Variants in RNF121 observed in about 807,000 individuals in gnomAD.
RNF121 encodes the protein ring finger protein 121.
In RNF121, 21 loss-of-function variants were observed where a neutral mutation model predicts 46.5. The ratio of observed to expected loss-of-function variants is 0.45; its 90% CI spans 0.32 to 0.65. RNF121 has a LOEUF of 0.65. RNF121 is among the 30% of genes least tolerant of loss of function. The pLI is 0.04. For missense variants in RNF121, 346 were observed against 416.0 expected (o/e 0.83, Z 1.46); for synonymous variants, 139 against 144.7 (o/e 0.96, Z 0.28).
At position 71,996,777 on chromosome 11, in the gene RNF121, T is replaced by C; in HGVS notation, c.*462T>C. The C allele has an allele frequency of 6.1e-6, 1 of 164,576 alleles. No homozygotes were observed. Among genetic ancestry groups the C allele is most frequent in the Non-Finnish European group, 1.4e-5 (1 of 73,988 alleles). The allele number at this position is 164,576 out of a possible 1,614,324, so 10.2% of individuals were successfully genotyped here. ...ACTTAGTATAGAAGAGCTAACGTAC[T>C]CAGGCTTGTGCCACGGGTGAGCACT... is the stretch of plus-strand genomic sequence containing the variant. On this transcript the variant is annotated 3_prime_UTR_variant, in exon 9 of 9. Coordinates refer to ENST00000361756, the MANE Select transcript of RNF121 (RefSeq NM_018320.5).
At chr11:71,938,263 C>A (rs1319582035) in intron 1 of RNF121, among the ~76,000 whole-genome samples, 2 of 149,968 alleles carry the variant, frequency 1.3e-5, no homozygotes, top group Non-Finnish European at 3.0e-5. Context: ...TTTTTTAGTG[C>A]GTACTATGTG....
intron 7 of RNF121, 107 bp from the exon 8 acceptor site, chr11:71,995,343 T>C: frequency 1.2e-6 from 1 of 850,872 alleles, no homozygotes; most frequent in Non-Finnish European, 1.9e-6. Context: ...TTGCCCAACA[T>C]TACAGAGCTG....
At chr11:71,957,100 T>G in intron 1 of RNF121, 127 bp from the exon 2 acceptor site, 2 of 768,418 alleles carry the variant, frequency 2.6e-6, no homozygotes, top group South Asian at 2.8e-5. Flanking sequence ...TGGTAAGGCT[T>G]CATAGAGATA....
chr11:71,953,886 A>G (rs929477584), intron 1 of RNF121, among the ~76,000 whole-genome samples: 2 of 152,172 alleles, frequency 1.3e-5, no homozygotes, highest in Admixed American at 1.3e-4. Flanking sequence ...AAAATGTAGC[A>G]GTCAACTTCT....
chr11:71,994,142 CTCT>C (rs1320702921), intron 6 of RNF121, among the ~76,000 whole-genome samples: 2 of 152,072 alleles, frequency 1.3e-5, no homozygotes, highest in African/African-American at 2.4e-5. Context: ...GCCCAGCCTC[CTCT>C]TATTTCTTTA....
At chr11:71,950,498 C>T (rs565635889) in intron 1 of RNF121, among the ~76,000 whole-genome samples, 2 of 150,742 alleles carry the variant, frequency 1.3e-5, no homozygotes, top group East Asian at 2.0e-4. Context: ...GCAGGAGAAT[C>T]GCTTGAACCC....
At position 71,994,651 on chromosome 11, in the gene RNF121, G is replaced by A. The variant is rs1482752816; in HGVS notation, c.628-68G>A. On this transcript the variant is annotated intron_variant, in intron 6 of 8. Coordinates refer to ENST00000361756, the MANE Select transcript of RNF121 (RefSeq NM_018320.5). ...CTTCTCTAGAAGGCCTGAGGTCTCTGTGGAGCTTCCTACTTTGGCTGCTTC... is the reference window on the plus strand; with the variant it reads ...CTTCTCTAGAAGGCCTGAGGTCTCTATGGAGCTTCCTACTTTGGCTGCTTC... 56 of 1,600,400 alleles carry A rather than the reference G, an allele frequency of 3.5e-5. No homozygotes were observed. In the South Asian group the frequency reaches 3.9e-4, roughly 11 times the overall value.
intron 1 of RNF121, among the ~76,000 whole-genome samples, chr11:71,942,465 T>C (rs1431417218): frequency 6.6e-6 from 1 of 151,838 alleles, no homozygotes; most frequent in Non-Finnish European, 1.5e-5. Context: ...GGGTAATTTA[T>C]AAACAACAGA....
chr11:71,994,656 G>C, intron 6 of RNF121, 63 bp from the exon 7 acceptor site: 1 of 1,604,866 alleles, frequency 6.2e-7, no homozygotes, highest in South Asian at 1.1e-5. Flanking sequence ...TCTCTGTGGA[G>C]CTTCCTACTT....
intron 3 of RNF121, among the ~76,000 whole-genome samples, chr11:71,977,711 C>T (rs1954557064): frequency 6.6e-6 from 1 of 152,222 alleles, no homozygotes; most frequent in Non-Finnish European, 1.5e-5. Flanking sequence ...CCTTTAGAAT[C>T]ATCCAGAGCT....
chr11:71,942,363 T>C (rs1156376140), intron 1 of RNF121, among the ~76,000 whole-genome samples: 2 of 152,144 alleles, frequency 1.3e-5, no homozygotes. Flanking sequence ...TAGGAAGTTA[T>C]GGTAATAGTC....
chr11:71,962,410 C>T (rs1045032781), intron 3 of RNF121: 27 of 461,094 alleles, frequency 5.9e-5, no homozygotes, highest in South Asian at 9.3e-5. Context: ...TAAGAGGCTG[C>T]TCTGCTTGAT....
At chr11:71,945,699 C>T (rs1290472221) in intron 1 of RNF121, among the ~76,000 whole-genome samples, 1 of 152,086 alleles carries the variant, frequency 6.6e-6, no homozygotes, top group Non-Finnish European at 1.5e-5. Context: ...CATTTCAGAT[C>T]CACTAGGATG....
At chr11:71,978,792 T>C (rs1370720573) in intron 3 of RNF121, among the ~76,000 whole-genome samples, 3 of 152,358 alleles carry the variant, frequency 2.0e-5, no homozygotes, top group African/African-American at 4.8e-5. Flanking sequence ...GAATAGATAC[T>C]GTTAACCCCA....
At chr11:71,942,468 A>G (rs1427143854) in intron 1 of RNF121, among the ~76,000 whole-genome samples, 1 of 152,050 alleles carries the variant, frequency 6.6e-6, no homozygotes, top group African/African-American at 2.4e-5. Flanking sequence ...TAATTTATAA[A>G]CAACAGAAAT....
intron 7 of RNF121, 113 bp downstream of exon 7, chr11:71,994,965 A>T: frequency 7.0e-7 from 1 of 1,428,838 alleles, no homozygotes; most frequent in Admixed American, 1.8e-5. Context: ...CCTTGAGTGT[A>T]GGAGAGCCAC....
chr11:71,965,106 A>G (rs1175430754), intron 3 of RNF121, among the ~76,000 whole-genome samples: 1 of 152,242 alleles, frequency 6.6e-6, no homozygotes, highest in African/African-American at 2.4e-5. Context: ...TGTTATAGAT[A>G]GGAAAAATCT....
At chr11:71,944,074 G>A (rs1486713993) in intron 1 of RNF121, among the ~76,000 whole-genome samples, 1 of 152,186 alleles carries the variant, frequency 6.6e-6, no homozygotes, top group Non-Finnish European at 1.5e-5. Flanking sequence ...ACTCATGTCT[G>A]TAATCCCAGC....
intron 6 of RNF121, among the ~76,000 whole-genome samples, chr11:71,991,187 A>G (rs1425811841): frequency 6.6e-6 from 1 of 152,044 alleles, no homozygotes; most frequent in Non-Finnish European, 1.5e-5. Flanking sequence ...TGCCCATGTA[A>G]CAAACCTGCA....
Sources: gnomAD v4.1 joint callset for allele counts (sites outside exome capture counted in the v4.1 genomes callset) on GRCh38, gnomAD v4.1.1 for gene constraint, MANE v1.5 for transcripts, NCBI Gene and HGNC (gene_info 2026-07-23, HGNC 2026-07-21) for gene names.